Variants in FRMD4A observed in about 807,000 individuals in gnomAD.
FRMD4A encodes FERM domain containing 4A.
A neutral mutation model predicts 129.1 loss-of-function variants in FRMD4A; 29 were observed. That is an observed-to-expected ratio of 0.22 (90% CI 0.17 to 0.31). The LOEUF (loss-of-function observed/expected upper bound fraction) is 0.31. Ranked by LOEUF, FRMD4A falls within the 10% of genes least tolerant of loss-of-function variation. FRMD4A has a pLI of 1.00. For missense variants in FRMD4A, 1,272 were observed against 1,375.8 expected, an observed-to-expected ratio of 0.92 and a Z score of 1.19; for synonymous variants, 634 against 571.6, an observed-to-expected ratio of 1.11 and a Z score of -1.56.
At chr10:13,824,383 C>T (rs1386033697) in intron 3 of FRMD4A, among the ~76,000 whole-genome samples, 1 of 150,046 alleles carries the variant, frequency 6.7e-6, no homozygotes, top group African/African-American at 2.4e-5. Context: ...ATCCCAGCTA[C>T]TCAGGAGGCT....
intron 12 of FRMD4A, among the ~76,000 whole-genome samples, chr10:13,709,820 T>G (rs2087831179): frequency 6.6e-6 from 1 of 152,238 alleles, no homozygotes; most frequent in Non-Finnish European, 1.5e-5. Context: ...TTGAAATTCC[T>G]AACAGGTTTT....
intron 2 of FRMD4A, among the ~76,000 whole-genome samples, chr10:14,318,318 TC>T (rs68111117): frequency 0.57 from 83,701 of 145,910 alleles, 24,320 homozygotes; most frequent in African/African-American, 0.67. Flanking sequence ...CCAAGCTATA[TC>T]CCCCCCCACC....
intron 2 of FRMD4A, among the ~76,000 whole-genome samples, chr10:13,864,875 C>T (rs1037120062): frequency 1.3e-5 from 2 of 152,158 alleles, no homozygotes; most frequent in Non-Finnish European, 2.9e-5. Context: ...CCGCACCTGG[C>T]CTGCAAAATA....
intron 2 of FRMD4A, among the ~76,000 whole-genome samples, chr10:14,185,191 A>G (rs1842047846): frequency 6.6e-6 from 1 of 152,192 alleles, no homozygotes; most frequent in Non-Finnish European, 1.5e-5. Context: ...TATGTGTATA[A>G]TGTGGTGTAG....
intron 2 of FRMD4A, among the ~76,000 whole-genome samples, chr10:13,935,837 A>T (rs2131297802): frequency 6.6e-6 from 1 of 152,302 alleles, no homozygotes; most frequent in Middle Eastern, 3.4e-3. Flanking sequence ...CCCTCAAAAC[A>T]TGCCTTCTGC....
intron 2 of FRMD4A, among the ~76,000 whole-genome samples, chr10:14,304,008 C>T (rs932813816): frequency 8.5e-5 from 13 of 152,146 alleles, no homozygotes; most frequent in African/African-American, 3.1e-4. Flanking sequence ...TTTACATATA[C>T]AGCATACCTT....
chr10:13,892,450 A>ACGGGTCTGACC (rs2131167895), intron 2 of FRMD4A, among the ~76,000 whole-genome samples: 1 of 152,224 alleles, frequency 6.6e-6, no homozygotes. Context: ...GGGTAGGAAA[A>ACGGGTCTGACC]CGGGCTGACA....
chr10:13,905,140 C>G (rs997638387), intron 2 of FRMD4A, among the ~76,000 whole-genome samples: 1 of 152,138 alleles, frequency 6.6e-6, no homozygotes, highest in African/African-American at 2.4e-5. Context: ...AGTCGCAACA[C>G]TGGCCCCAAC....
At chr10:14,058,126 T>C (rs538645537) in intron 2 of FRMD4A, among the ~76,000 whole-genome samples, 1 of 152,272 alleles carries the variant, frequency 6.6e-6, no homozygotes, top group African/African-American at 2.4e-5. Flanking sequence ...AGAGAAATGA[T>C]TAGGAAAGTC....
At chr10:14,036,072 A>G (rs1300781958) in intron 2 of FRMD4A, among the ~76,000 whole-genome samples, 1 of 151,358 alleles carries the variant, frequency 6.6e-6, no homozygotes, top group African/African-American at 2.4e-5. Flanking sequence ...TCTATAAAAG[A>G]TTCAGGAGGA....
intron 2 of FRMD4A, among the ~76,000 whole-genome samples, chr10:14,199,139 T>C (rs192062327): frequency 4.6e-5 from 7 of 152,228 alleles, no homozygotes; most frequent in Non-Finnish European, 1.0e-4. Context: ...ATAGTGTTAC[T>C]GGTTGGTTTT....
At chr10:14,044,483 T>C (rs1833906171) in intron 2 of FRMD4A, among the ~76,000 whole-genome samples, 1 of 152,216 alleles carries the variant, frequency 6.6e-6, no homozygotes. Context: ...AAGTCCAATA[T>C]GACTAGCCCT....
chr10:14,261,273 A>G (rs1025881105), intron 2 of FRMD4A, among the ~76,000 whole-genome samples: 4 of 152,216 alleles, frequency 2.6e-5, no homozygotes, highest in East Asian at 1.9e-4. Context: ...ATATTTGCTT[A>G]TGTGCTTGAT....
In FRMD4A at chr10:14,093,070, G is replaced by A. The variant is rs888698675; in HGVS notation, c.46-234158C>T. On this transcript the variant is annotated intron_variant, in intron 2 of 24. Transcript: ENST00000357447. ...GATCCAAGGCCAAGGCCAGGGTAGG[G>A]GGCACGGACGGGGATCACATGAGAG... is the stretch of plus-strand genomic sequence containing the variant. Among the ~76,000 whole-genome samples, 3 of 152,160 alleles carry A rather than the reference G, an allele frequency of 2.0e-5. No homozygotes were observed. In the South Asian group the frequency reaches 6.2e-4, roughly 32 times the overall value.
At chr10:14,030,112 G>C (rs767779478) in intron 2 of FRMD4A, among the ~76,000 whole-genome samples, 4 of 152,194 alleles carry the variant, frequency 2.6e-5, no homozygotes, top group Non-Finnish European at 5.9e-5. Flanking sequence ...AGGGGGAAAT[G>C]GGGAGATGTT....
chr10:14,141,515 C>A (rs1469811497), intron 2 of FRMD4A, among the ~76,000 whole-genome samples: 2 of 152,124 alleles, frequency 1.3e-5, no homozygotes, highest in African/African-American at 2.4e-5. Context: ...CCCCAGGGGA[C>A]ACATCCTGAA....
intron 2 of FRMD4A, among the ~76,000 whole-genome samples, chr10:14,168,106 G>T (rs769864425): frequency 2.0e-5 from 3 of 152,190 alleles, no homozygotes; most frequent in Non-Finnish European, 2.9e-5. Context: ...GAAGAGAGAC[G>T]AGGCAGAATG....
At chr10:14,030,130 G>C (rs1004203213) in intron 2 of FRMD4A, among the ~76,000 whole-genome samples, 5 of 152,162 alleles carry the variant, frequency 3.3e-5, no homozygotes, top group Non-Finnish European at 7.4e-5. Context: ...GTTGGTCAAG[G>C]GGTACAAAGT....
intron 2 of FRMD4A, among the ~76,000 whole-genome samples, chr10:14,312,793 G>C (rs1056796863): frequency 2.6e-5 from 4 of 152,156 alleles, no homozygotes; most frequent in Non-Finnish European, 5.9e-5. Context: ...CTGAGCCTGA[G>C]AGATGGAGGC....
Sources: allele counts gnomAD v4.1 joint callset (sites outside exome capture counted in the v4.1 genomes callset), GRCh38; gene constraint gnomAD v4.1.1; transcripts MANE v1.5; gene names NCBI Gene and HGNC (gene_info 2026-07-23, HGNC 2026-07-21).